DERA: variants seen among roughly 807,000 people sequenced by gnomAD.
DERA encodes 2-deoxy-D-ribose 5-phosphate aldolase.
Under a neutral mutation model 41.1 loss-of-function variants are expected in DERA, and 15 were observed. That is an observed-to-expected ratio of 0.37 (90% confidence interval 0.24 to 0.56). DERA has a LOEUF of 0.56. Ranked by LOEUF, DERA falls within the 20% of genes least tolerant of loss-of-function variation. The pLI is 0.81. For synonymous variants in DERA, 139 were observed against 137.4 expected, an observed-to-expected ratio of 1.01 and a Z score of -0.08; for missense variants, 396 against 403.4, an observed-to-expected ratio of 0.98 and a Z score of 0.16.
chr12:15,930,135 C>A (rs563799773), intron 1 of DERA, among the ~76,000 whole-genome samples: 11 of 152,256 alleles, frequency 7.2e-5, no homozygotes, highest in Non-Finnish European at 1.5e-4. Flanking sequence ...ACAGACCCTT[C>A]CCTTTACTCA....
chr12:16,006,954 A>C (rs1227586992), intron 6 of DERA, among the ~76,000 whole-genome samples: 3 of 152,212 alleles, frequency 2.0e-5, no homozygotes, highest in Non-Finnish European at 4.4e-5. Flanking sequence ...TGGGAGCCTG[A>C]AGTGTCATGT....
intron 6 of DERA, among the ~76,000 whole-genome samples, chr12:16,002,186 A>G (rs1046162827): frequency 3.2e-5 from 4 of 126,788 alleles, no homozygotes; most frequent in Non-Finnish European, 6.2e-5. Flanking sequence ...TCCTATGTCC[A>G]TGTGTTCTCA....
At chr12:16,028,530 G>A (rs1949068863) in intron 6 of DERA, among the ~76,000 whole-genome samples, 1 of 152,112 alleles carries the variant, frequency 6.6e-6, no homozygotes, top group Admixed American at 6.5e-5. Flanking sequence ...CCTTAAATGT[G>A]GGATACCCAT....
At chr12:15,914,286 G>T (rs956369710) in intron 1 of DERA, among the ~76,000 whole-genome samples, 1 of 151,960 alleles carries the variant, frequency 6.6e-6, no homozygotes, top group African/African-American at 2.4e-5. Flanking sequence ...GGAAGCTGAG[G>T]TACGAGAATC....
chr12:16,003,181 G>C lies in DERA; in HGVS notation c.637+20745G>C, dbSNP rs979156183. On this transcript the variant is annotated intron_variant, in intron 6 of 8. Transcript: ENST00000428559. The surrounding 1 kb of genome is among the most constrained non-coding windows in gnomAD (Gnocchi z 4.8). ...CTTTGGTGTTTCTTGGCTTGTAGAAGCCTCACCCTGGTCTCTGCCTTTGTG... is the reference window on the plus strand; with the variant it reads ...CTTTGGTGTTTCTTGGCTTGTAGAACCCTCACCCTGGTCTCTGCCTTTGTG... Among the ~76,000 whole-genome samples the C allele has an allele frequency of 1.3e-5, 2 of 152,134 alleles. No individual in the cohort carries two copies. Among genetic ancestry groups the C allele is most frequent in the African/African-American group, 4.8e-5 (2 of 41,406 alleles).
At chr12:15,951,603 A>G (rs1309789677) in intron 1 of DERA, 1 of 152,162 alleles carries the variant, frequency 6.6e-6, no homozygotes, top group Non-Finnish European at 1.5e-5. Context: ...ATTATGTGTT[A>G]TATTTCCTGC....
rs780158960 is a variant in DERA, at chr12:16,036,715, A to G, written c.926A>G (p.Tyr309Cys). The change falls in exon 9 of 9, where the codon TAT (tyrosine) becomes TGT (cysteine). Residue 309 changes from tyrosine (Y) to cysteine (C), a missense_variant. Transcript: ENST00000428559. This position sits in a 1 kb window ranked among gnomAD's most constrained non-coding sequence, Gnocchi z 4.9. The stretch of plus-strand genomic sequence containing the variant: ...ATTTACCATCATGTGACTGGAAGAT[A>G]TGCAGCTTATCATGATCTTCCAATG... The part of the protein sequence containing the change: ...RQIYHHVTGR[Y>C]AAYHDLPMS 1.2e-6 allele frequency: 2 copies of G among 1,602,698 alleles called. No homozygotes were observed. Among genetic ancestry groups the G allele is most frequent in the South Asian group, 2.3e-5 (2 of 88,456 alleles).
chr12:16,023,159 C>T (rs1168923770), intron 6 of DERA, among the ~76,000 whole-genome samples: 2 of 152,152 alleles, frequency 1.3e-5, no homozygotes, highest in African/African-American at 4.8e-5. Flanking sequence ...ATACTCCTCC[C>T]TCATCTGTTA....
chr12:15,936,907 T>TCCC lies in DERA; in HGVS notation c.32-20029_32-20028insCCC, dbSNP rs1948370312. Reference sequence around the variant, plus strand: ...TGTCTTGTCCTGTCCTGTCCTGTCCTGTCCTGTCCTGTCCTGTCCTGTCCT... The same window carrying TCCC: ...TGTCTTGTCCTGTCCTGTCCTGTCCTCCCGTCCTGTCCTGTCCTGTCCTGTCCT... On this transcript the variant is annotated intron_variant, in intron 1 of 8. Transcript: ENST00000428559. The surrounding 1 kb of genome is among the most constrained non-coding windows in gnomAD (Gnocchi z 4.6). Among the ~76,000 whole-genome samples the TCCC allele has an allele frequency of 2.1e-5, 3 of 143,082 alleles. No homozygotes were observed. Among genetic ancestry groups the TCCC allele is most frequent in the Admixed American group, 7.0e-5 (1 of 14,284 alleles). 93.9% of individuals were successfully genotyped at this position (143,082 alleles called of 152,430 possible).
rs1762495921 is a variant in DERA, at chr12:15,940,176, C to T, written c.32-16760C>T. On this transcript the variant is annotated intron_variant, in intron 1 of 8. Transcript: ENST00000428559. The surrounding 1 kb of genome is among the most constrained non-coding windows in gnomAD (Gnocchi z 5.1). Reference sequence around the variant, plus strand: ...ACAATGTCAGTTATTTTATCTTCAGCAAAATAGACTTCCGGTTTTTTTATT... The same window carrying T: ...ACAATGTCAGTTATTTTATCTTCAGTAAAATAGACTTCCGGTTTTTTTATT... Among the ~76,000 whole-genome samples, 2 of 152,074 alleles carry T rather than the reference C, an allele frequency of 1.3e-5. No individual in the cohort carries two copies. Among genetic ancestry groups the T allele is most frequent in the Non-Finnish European group, 2.9e-5 (2 of 68,002 alleles).
chr12:16,025,503 TAAC>T (rs1221585966), intron 6 of DERA, among the ~76,000 whole-genome samples: 1 of 152,026 alleles, frequency 6.6e-6, no homozygotes, highest in Admixed American at 6.5e-5. Context: ...AAGGAAGACA[TAAC>T]AATCCTATGT....
rs1948176078 is a variant in DERA, at chr12:15,913,079, A to T, written c.31+1665A>T. ...ATGACCATGTGACTATGCATACATCAAGGATGTGCCCTAAATTTCCCAAAA... is the reference window on the plus strand; with the variant it reads ...ATGACCATGTGACTATGCATACATCTAGGATGTGCCCTAAATTTCCCAAAA... On this transcript the variant is annotated intron_variant, in intron 1 of 8. Transcript: ENST00000428559. This position sits in a 1 kb window ranked among gnomAD's most constrained non-coding sequence, Gnocchi z 4.5. Among the ~76,000 whole-genome samples, 2 of 152,222 alleles carry T rather than the reference A, an allele frequency of 1.3e-5. No individual in the cohort carries two copies. Among genetic ancestry groups the T allele is most frequent in the Non-Finnish European group, 2.9e-5 (2 of 68,040 alleles).
At chr12:15,980,703 T>C (rs540712246) in intron 5 of DERA, among the ~76,000 whole-genome samples, 2 of 152,298 alleles carry the variant, frequency 1.3e-5, no homozygotes, top group Non-Finnish European at 2.9e-5. Flanking sequence ...CTGCACGTTA[T>C]TAAGGATCTG....
chr12:16,009,089 T>C lies in DERA; in HGVS notation c.638-23453T>C, dbSNP rs569679054. ...TAACAGGAGTATCTGCTTTTTAAGG[T>C]ATTGTGAAGATCAAATTAGGGAAGT... On this transcript the variant is annotated intron_variant, in intron 6 of 8. Transcript: ENST00000428559. The surrounding 1 kb of genome is among the most constrained non-coding windows in gnomAD (Gnocchi z 5.3). 4.6e-5 allele frequency among the ~76,000 whole-genome samples: 7 copies of C among 152,324 alleles called. No individual in the cohort carries two copies. The South Asian group carries it at 8.3e-4, about 18-fold the overall frequency.
rs750696055 is a variant in DERA at position 15,956,972 on chromosome 12, C to T, written c.68C>T (p.Pro23Leu). Residue 23 changes from proline to leucine, a missense_variant, in exon 2 of 9, where the codon CCG (proline) becomes CTG (leucine). Coordinates refer to ENST00000428559, the MANE Select transcript of DERA (RefSeq NM_015954.4). Reference protein sequence around the residue: ...SWISKIQVNHPAVLRRAEQIQ... With the variant: ...SWISKIQVNHLAVLRRAEQIQ... ...ATCTCCAAAATACAAGTGAATCACC[C>T]GGCAGTTCTGAGGCGTGCGGAACAA... 43 of 1,613,768 alleles carry T rather than the reference C, an allele frequency of 2.7e-5. No individual in the cohort carries two copies. The highest frequency in any genetic ancestry group is 2.0e-4 in the African/African-American group (15 of 74,908).
chr12:15,956,328 C>T lies in DERA; in HGVS notation c.32-608C>T, dbSNP rs1948538010. Among the ~76,000 whole-genome samples the T allele has an allele frequency of 2.0e-5, 3 of 152,198 alleles. No homozygotes were observed. The South Asian group carries it at 6.2e-4, about 32-fold the overall frequency. On this transcript the variant is annotated intron_variant, in intron 1 of 8. Coordinates refer to ENST00000428559, the MANE Select transcript of DERA (RefSeq NM_015954.4). ...TTCAGAACAAAAGCAACAGAGATAGCTCCTGAAACTTTAAATAATTTGTTT... is the reference window on the plus strand; with the variant it reads ...TTCAGAACAAAAGCAACAGAGATAGTTCCTGAAACTTTAAATAATTTGTTT...
chr12:15,939,563 A>G (rs1948394756), intron 1 of DERA, among the ~76,000 whole-genome samples: 1 of 152,182 alleles, frequency 6.6e-6, no homozygotes, highest in Non-Finnish European at 1.5e-5. Flanking sequence ...CAAAATTGTC[A>G]TTAATAATTG....
At chr12:15,937,166 G>A (rs1393937312) in intron 1 of DERA, among the ~76,000 whole-genome samples, 2 of 152,174 alleles carry the variant, frequency 1.3e-5, no homozygotes, top group East Asian at 3.9e-4. Context: ...ATATTGCCCA[G>A]GCTGATCTCC....
At chr12:15,937,449 C>G (rs750036272) in intron 1 of DERA, among the ~76,000 whole-genome samples, 1 of 152,262 alleles carries the variant, frequency 6.6e-6, no homozygotes, top group Middle Eastern at 3.4e-3. Context: ...TAGCCACATC[C>G]GCCAGTAGTA....
Sources: allele counts gnomAD v4.1 joint callset (sites outside exome capture counted in the v4.1 genomes callset), GRCh38; gene constraint gnomAD v4.1.1; non-coding constraint Gnocchi (gnomAD v3.1); transcripts MANE v1.5; gene names NCBI Gene and HGNC (gene_info 2026-07-23, HGNC 2026-07-21).